The following MCHR1 variants were observed in gnomAD, a reference collection of about 807,000 sequenced individuals.
The protein encoded by MCHR1 is melanin concentrating hormone receptor 1.
In MCHR1, 13 loss-of-function variants were observed where a neutral mutation model predicts 20.4. The ratio of observed to expected loss-of-function variants is 0.64; its 90% CI spans 0.41 to 1.01. MCHR1 has a LOEUF of 1.01. Ranked by LOEUF, MCHR1 falls within the 50% of genes least tolerant of loss-of-function variation. The probability of loss-of-function intolerance (pLI) is 0.00; values close to 1 mark genes in which losing one functional copy is unlikely to be tolerated. For synonymous variants in MCHR1, 215 were observed against 204.4 expected, an observed-to-expected ratio of 1.05 and a Z score of -0.44; for missense variants, 472 against 477.0, an observed-to-expected ratio of 0.99 and a Z score of 0.10.
In MCHR1 at chr22:40,681,311, A is replaced by G. The variant is rs2056878978; in HGVS notation, c.445A>G (p.Ile149Val). 6.2e-7 allele frequency: 1 copy of G among 1,613,998 alleles called. No homozygotes were observed. The highest frequency in any genetic ancestry group is 1.7e-5 in the Admixed American group (1 of 59,984). ...CCGCTACCTGGCCACTGTCCACCCCATCTCTTCCACGAAGTTCCGGAAGCC... is the reference window on the plus strand; with the variant it reads ...CCGCTACCTGGCCACTGTCCACCCCGTCTCTTCCACGAAGTTCCGGAAGCC... ...IDRYLATVHPISSTKFRKPSV... is the reference protein window; with the variant it reads ...IDRYLATVHPVSSTKFRKPSV... Residue 149 changes from isoleucine to valine, a missense_variant, in exon 2 of 2, where the codon ATC becomes GTC. By Grantham distance (29) the Ile-to-Val change is conservative. Transcript: ENST00000249016. This position sits in a 1 kb window ranked among gnomAD's most constrained non-coding sequence, Gnocchi z 4.3.
intron 1 of MCHR1, 50 bp downstream of exon 1, chr22:40,679,784 G>C: frequency 6.3e-7 from 1 of 1,598,830 alleles, no homozygotes; most frequent in Non-Finnish European, 8.6e-7. Flanking sequence ...TGGAAAATGG[G>C]AAGGTTTCAC....
In MCHR1 at chr22:40,680,915, T is replaced by C. The variant is rs2056875667; in HGVS notation, c.83-34T>C. ...GTCAGTTCTCAGAGCAAAGCCCATGTCAAACAGCCAACGCTTGCTCCTTCT... is the reference window on the plus strand; with the variant it reads ...GTCAGTTCTCAGAGCAAAGCCCATGCCAAACAGCCAACGCTTGCTCCTTCT... On this transcript the variant is annotated intron_variant, in intron 1 of 1. Transcript: ENST00000249016. The C allele has an allele frequency of 3.1e-6, 5 of 1,611,892 alleles. No homozygotes were observed. The South Asian group carries it at 5.5e-5, about 18-fold the overall frequency.
chr22:40,681,418 C>G lies in MCHR1; in HGVS notation c.552C>G (p.Leu184=). The G allele has an allele frequency of 6.2e-7, 1 of 1,614,112 alleles. No homozygotes were observed. The highest frequency in any genetic ancestry group is 8.5e-7 in the Non-Finnish European group (1 of 1,180,042). Residue 184 remains leucine, a synonymous_variant, in exon 2 of 2, where the codon CTC becomes CTG. Transcript: ENST00000249016. The surrounding 1 kb of genome is among the most constrained non-coding windows in gnomAD (Gnocchi z 4.3). Reference sequence around the variant, plus strand: ...CCCCTGTGTGGCTGTATGCCAGACTCATCCCCTTCCCAGGAGGTGCAGTGG... The same window carrying G: ...CCCCTGTGTGGCTGTATGCCAGACTGATCCCCTTCCCAGGAGGTGCAGTGG... The part of the protein sequence containing the change: ...SITPVWLYAR[L]IPFPGGAVGC...
rs756157362 is a variant in MCHR1 at position 40,681,566 on chromosome 22, C to T, written c.700C>T (p.Arg234Cys). 26 of 1,613,512 alleles carry T rather than the reference C, an allele frequency of 1.6e-5. No individual in the cohort carries two copies. The highest frequency in any genetic ancestry group is 2.2e-5 in the East Asian group (1 of 44,882). The change falls in exon 2 of 2, where the codon CGC (arginine) becomes TGC (cysteine). Residue 234 changes from arginine (R) to cysteine (C), a missense_variant. Physicochemically the swap from Arg to Cys is radical, Grantham distance 180 (BLOSUM62 -3). Transcript: ENST00000249016. This position sits in a 1 kb window ranked among gnomAD's most constrained non-coding sequence, Gnocchi z 4.3. ...AGCCGCATACGTGAGGATCCTGCAG[C>T]GCATGACGTCCTCAGTGGCCCCCGC... The part of the protein sequence containing the change: ...ITAAYVRILQ[R>C]MTSSVAPASQ...
chr22:40,681,465 A>G lies in MCHR1; in HGVS notation c.599A>G (p.Asn200Ser). 6.2e-7 allele frequency: 1 copy of G among 1,613,220 alleles called. No homozygotes were observed. Among genetic ancestry groups the G allele is most frequent in the Admixed American group, 1.7e-5 (1 of 60,022 alleles). ...GTGGGCTGCGGCATACGCCTGCCCA[A>G]CCCAGACACTGACCTCTACTGGTTC... ...GAVGCGIRLP[N>S]PDTDLYWFTL... Residue 200 changes from asparagine (N) to serine (S), a missense_variant, in exon 2 of 2, where the codon AAC becomes AGC. By Grantham distance (46) the Asn-to-Ser change is conservative (BLOSUM62 1). Transcript: ENST00000249016. The surrounding 1 kb of genome is among the most constrained non-coding windows in gnomAD (Gnocchi z 4.3).
chr22:40,681,154 G>A lies in MCHR1; in HGVS notation c.288G>A (p.Met96Ile). 2 of 1,613,586 alleles carry A rather than the reference G, an allele frequency of 1.2e-6. No homozygotes were observed. Among genetic ancestry groups the A allele is most frequent in the Non-Finnish European group, 1.7e-6 (2 of 1,179,874 alleles). The change falls in exon 2 of 2, where the codon ATG becomes ATA. Residue 96 changes from methionine to isoleucine, a missense_variant. By Grantham distance (10) the Met-to-Ile change is conservative (BLOSUM62 1). Transcript: ENST00000249016. The surrounding 1 kb of genome is among the most constrained non-coding windows in gnomAD (Gnocchi z 4.3). ...TAGATCTCCTCTTTCTCCTGGGCATGCCCTTCATGATCCACCAGCTCATGG... is the reference window on the plus strand; with the variant it reads ...TAGATCTCCTCTTTCTCCTGGGCATACCCTTCATGATCCACCAGCTCATGG... The part of the protein sequence containing the change: ...SVVDLLFLLG[M>I]PFMIHQLMGN...
Position 40,682,786 on chromosome 22 carries a change from A to T in MCHR1, c.*858A>T, listed in dbSNP as rs1412354401. On this transcript the variant is annotated 3_prime_UTR_variant, in exon 2 of 2. Coordinates refer to ENST00000249016, the MANE Select transcript of MCHR1 (RefSeq NM_005297.4). Reference sequence around the variant, plus strand: ...CTCTAGCCCTTCCTCTCCAAAATAAAATCAAATAAAGGAAAATCTCCACCC... The same window carrying T: ...CTCTAGCCCTTCCTCTCCAAAATAATATCAAATAAAGGAAAATCTCCACCC... 6.6e-6 allele frequency: 1 copy of T among 151,692 alleles called. No homozygotes were observed. The highest frequency in any genetic ancestry group is 2.4e-5 in the African/African-American group (1 of 41,196). 9.4% of individuals were successfully genotyped at this position (151,692 alleles called of 1,614,324 possible).
chr22:40,681,072 C>G lies in MCHR1; in HGVS notation c.206C>G (p.Ser69Cys), dbSNP rs777590947. Residue 69 changes from serine to cysteine, a missense_variant, in exon 2 of 2, where the codon TCC becomes TGC. By Grantham distance (112) the Ser-to-Cys change is moderately radical. Transcript: ENST00000249016. The surrounding 1 kb of genome is among the most constrained non-coding windows in gnomAD (Gnocchi z 4.3). ...STVIFAVVKK[S>C]KLHWCNNVPD... Reference sequence around the variant, plus strand: ...GTCATCTTCGCGGTCGTGAAGAAGTCCAAGCTGCACTGGTGCAACAACGTC... The same window carrying G: ...GTCATCTTCGCGGTCGTGAAGAAGTGCAAGCTGCACTGGTGCAACAACGTC... The G allele has an allele frequency of 5.6e-6, 9 of 1,614,120 alleles. No individual in the cohort carries two copies. In the Admixed American group the frequency reaches 6.7e-5, roughly 12 times the overall value.
rs752123648 is a variant in MCHR1, at chr22:40,681,124, G to A, written c.258G>A (p.Ser86=). The part of the protein sequence containing the change: ...NVPDIFIINL[S]VVDLLFLLGM... ...CCGACATCTTCATCATCAACCTCTC[G>A]GTAGTAGATCTCCTCTTTCTCCTGG... Residue 86 remains serine, a synonymous_variant, in exon 2 of 2, where the codon TCG becomes TCA. Transcript: ENST00000249016. The surrounding 1 kb of genome is among the most constrained non-coding windows in gnomAD (Gnocchi z 4.3). 71 of 1,613,934 alleles carry A rather than the reference G, an allele frequency of 4.4e-5. No individual in the cohort carries two copies. The highest frequency in any genetic ancestry group is 5.4e-5 in the Non-Finnish European group (64 of 1,180,026).
intron 1 of MCHR1, among the ~76,000 whole-genome samples, 156 bp downstream of exon 1, chr22:40,679,890 G>A (rs935780380): frequency 6.6e-6 from 1 of 152,126 alleles, no homozygotes; most frequent in African/African-American, 2.4e-5. Flanking sequence ...AGGGGGCAAT[G>A]GTCCGCAGGG....
In MCHR1 at chr22:40,681,294, T is replaced by TG. The variant is rs1446065963; in HGVS notation, c.430dup (p.Ala144GlyfsTer61). The stretch of plus-strand genomic sequence containing the variant: ...ACCGCCATGGCCATTGACCGCTACC[T>TG]GGCCACTGTCCACCCCATCTCTTCC... On this transcript the variant is annotated frameshift_variant, in exon 2 of 2. Transcript: ENST00000249016. LOFTEE classifies it high-confidence loss of function. This position sits in a 1 kb window ranked among gnomAD's most constrained non-coding sequence, Gnocchi z 4.3. 2 of 1,614,066 alleles carry TG rather than the reference T, an allele frequency of 1.2e-6. No homozygotes were observed. Among genetic ancestry groups the TG allele is most frequent in the Admixed American group, 3.3e-5 (2 of 60,002 alleles).
rs200956049 is a variant in MCHR1 at position 40,681,034 on chromosome 22, C to T, written c.168C>T (p.Ile56=). 1.4e-5 allele frequency: 22 copies of T among 1,614,022 alleles called. No homozygotes were observed. Among genetic ancestry groups the T allele is most frequent in the Middle Eastern group, 1.6e-4 (1 of 6,084 alleles). The change falls in exon 2 of 2, where the codon ATC becomes ATT. Residue 56 remains isoleucine, a synonymous_variant. Coordinates refer to ENST00000249016, the MANE Select transcript of MCHR1 (RefSeq NM_005297.4). The surrounding 1 kb of genome is among the most constrained non-coding windows in gnomAD (Gnocchi z 4.3). The part of the protein sequence containing the change: ...VFGTICLLGI[I]GNSTVIFAVV... ...GCACCATCTGCCTCCTGGGCATCAT[C>T]GGGAACTCCACGGTCATCTTCGCGG...
In MCHR1 at chr22:40,680,965, G is replaced by A. The variant is rs201202695; in HGVS notation, c.99G>A (p.Thr33=). Residue 33 remains threonine (T), a synonymous_variant, in exon 2 of 2, where the codon ACG becomes ACA. Transcript: ENST00000249016. ...NLTSAGSPPR[T]GSISYINIIM... ...TGTCCCCAGGATCACCTCCTCGCAC[G>A]GGGAGCATCTCCTACATCAACATCA... 63 of 1,614,020 alleles carry A rather than the reference G, an allele frequency of 3.9e-5. No individual in the cohort carries two copies. In the East Asian group the frequency reaches 6.5e-4, roughly 17 times the overall value.
In MCHR1 at chr22:40,681,872, G is replaced by A. The variant is rs1203992483; in HGVS notation, c.1006G>A (p.Ala336Thr). 32 of 1,613,302 alleles carry A rather than the reference G, an allele frequency of 2.0e-5. No homozygotes were observed. Among genetic ancestry groups the A allele is most frequent in the African/African-American group, 6.7e-5 (5 of 74,938 alleles). ...VKPAAQGQLRAVSNAQTADEE... is the reference protein window; with the variant it reads ...VKPAAQGQLRTVSNAQTADEE... ...GCCTGCAGCCCAGGGGCAGCTTCGC[G>A]CTGTCAGCAACGCTCAGACGGCTGA... The change falls in exon 2 of 2, where the codon GCT becomes ACT. Residue 336 changes from alanine to threonine, a missense_variant. Coordinates refer to ENST00000249016, the MANE Select transcript of MCHR1 (RefSeq NM_005297.4). This position sits in a 1 kb window ranked among gnomAD's most constrained non-coding sequence, Gnocchi z 4.3.
Position 40,681,293 on chromosome 22 carries a change from C to CT in MCHR1, c.428dup (p.Ala144GlyfsTer61). On this transcript the variant is annotated frameshift_variant, in exon 2 of 2. Transcript: ENST00000249016. LOFTEE classifies it high-confidence loss of function. The surrounding 1 kb of genome is among the most constrained non-coding windows in gnomAD (Gnocchi z 4.3). ...GACCGCCATGGCCATTGACCGCTAC[C>CT]TGGCCACTGTCCACCCCATCTCTTC... 6.2e-7 allele frequency: 1 copy of CT among 1,614,186 alleles called. No individual in the cohort carries two copies. The highest frequency in any genetic ancestry group is 8.5e-7 in the Non-Finnish European group (1 of 1,180,050).
chr22:40,681,424 C>T lies in MCHR1; in HGVS notation c.558C>T (p.Pro186=). ...TGTGGCTGTATGCCAGACTCATCCC[C>T]TTCCCAGGAGGTGCAGTGGGCTGCG... is the stretch of plus-strand genomic sequence containing the variant. ...TPVWLYARLI[P]FPGGAVGCGI... Residue 186 remains proline (P), a synonymous_variant, in exon 2 of 2, where the codon CCC becomes CCT. Transcript: ENST00000249016. The surrounding 1 kb of genome is among the most constrained non-coding windows in gnomAD (Gnocchi z 4.3). The T allele has an allele frequency of 6.2e-7, 1 of 1,614,052 alleles. No individual in the cohort carries two copies.
Position 40,682,075 on chromosome 22 carries a change from G to A in MCHR1, c.*147G>A. 9.3e-7 allele frequency: 1 copy of A among 1,071,226 alleles called. No homozygotes were observed. The highest frequency in any genetic ancestry group is 1.4e-6 in the Non-Finnish European group (1 of 734,184). 66.4% of individuals were successfully genotyped at this position (1,071,226 alleles called of 1,614,324 possible). A position where few individuals can be genotyped will look rare whatever the true frequency, so the allele number is the denominator to read the frequency against. ...TTGCAATGAAATAAATACATTCCAT[G>A]GGGCTCACACGTTGCTGGGGAGGCC... is the stretch of plus-strand genomic sequence containing the variant. On this transcript the variant is annotated 3_prime_UTR_variant, in exon 2 of 2. Coordinates refer to ENST00000249016, the MANE Select transcript of MCHR1 (RefSeq NM_005297.4).
At chr22:40,680,556 C>CA (rs1443595015) in intron 1 of MCHR1, among the ~76,000 whole-genome samples, 2 of 146,464 alleles carry the variant, frequency 1.4e-5, no homozygotes, top group African/African-American at 5.0e-5. Flanking sequence ...CTCAGGGCTA[C>CA]ACATAGGAAA....
Position 40,681,347 on chromosome 22 carries a change from AC to A in MCHR1, c.484del (p.Leu162TrpfsTer2). ...STKFRKPSVATLVICLLWALS... is the reference protein window; with the variant it reads ...STKFRKPSVAXLVICLLWALS... Reference sequence around the variant, plus strand: ...GAAGTTCCGGAAGCCCTCTGTGGCCACCCTGGTGATCTGCCTCCTGTGGGCC... The same window carrying A: ...GAAGTTCCGGAAGCCCTCTGTGGCCACCTGGTGATCTGCCTCCTGTGGGCC... On this transcript the variant is annotated frameshift_variant, in exon 2 of 2. Coordinates refer to ENST00000249016, the MANE Select transcript of MCHR1 (RefSeq NM_005297.4). LOFTEE classifies it high-confidence loss of function. This position sits in a 1 kb window ranked among gnomAD's most constrained non-coding sequence, Gnocchi z 4.3. 6.2e-7 allele frequency: 1 copy of A among 1,614,018 alleles called. No homozygotes were observed. The highest frequency in any genetic ancestry group is 8.5e-7 in the Non-Finnish European group (1 of 1,180,004).
Sources: gnomAD v4.1 joint callset for allele counts (sites outside exome capture counted in the v4.1 genomes callset) on GRCh38, gnomAD v4.1.1 for gene constraint, Gnocchi (gnomAD v3.1) non-coding constraint, MANE v1.5 for transcripts, NCBI Gene and HGNC (gene_info 2026-07-23, HGNC 2026-07-21) for gene names.